The following PDZRN3 variants were observed in gnomAD, a reference collection of about 807,000 sequenced individuals.
PDZRN3 encodes PDZ domain containing ring finger 3.
A neutral mutation model predicts 85.7 loss-of-function variants in PDZRN3; 38 were observed. The observed-to-expected ratio is 0.44, with a 90% CI of 0.34 to 0.58. The LOEUF is 0.58. Ranked by LOEUF, PDZRN3 falls within the 20% of genes least tolerant of loss-of-function variation. The pLI, the probability that PDZRN3 is intolerant of heterozygous loss-of-function variation, is 0.01. For missense variants in PDZRN3, 1,629 were observed against 1,506.4 expected, an observed-to-expected ratio of 1.08 and a Z score of -1.35; for synonymous variants, 759 against 638.0, an observed-to-expected ratio of 1.19 and a Z score of -2.86.
At chr3:73,417,037 C>T (rs1702105785) in intron 3 of PDZRN3, among the ~76,000 whole-genome samples, 1 of 151,524 alleles carries the variant, frequency 6.6e-6, no homozygotes. Context: ...GCCATCAGGC[C>T]CAGCTAATTT....
At chr3:73,587,641 T>C (rs909788510) in intron 3 of PDZRN3, among the ~76,000 whole-genome samples, 1 of 152,212 alleles carries the variant, frequency 6.6e-6, no homozygotes, top group South Asian at 2.1e-4. Context: ...TTCCTCTCTA[T>C]AGTGGATTCT....
chr3:73,437,078 T>A (rs1412653171), intron 3 of PDZRN3, among the ~76,000 whole-genome samples: 1 of 149,562 alleles, frequency 6.7e-6, no homozygotes, highest in African/African-American at 2.5e-5. Flanking sequence ...ACTGAGAACC[T>A]CAAGGACTGT....
chr3:73,502,985 G>C (rs1704009949), intron 3 of PDZRN3, among the ~76,000 whole-genome samples: 1 of 152,168 alleles, frequency 6.6e-6, no homozygotes, highest in South Asian at 2.1e-4. Flanking sequence ...ACACAGTTGT[G>C]GTTTTGCACT....
At chr3:73,443,479 CTTTTT>C (rs768320565) in intron 3 of PDZRN3, among the ~76,000 whole-genome samples, 32 of 48,160 alleles carry the variant, frequency 6.6e-4, no homozygotes, top group South Asian at 2.0e-3. Flanking sequence ...TTTCCTTTTT[CTTTTT>C]TTTTTTTTTT....
intron 3 of PDZRN3, among the ~76,000 whole-genome samples, chr3:73,414,676 T>C (rs1224642146): frequency 6.6e-6 from 1 of 152,248 alleles, no homozygotes; most frequent in African/African-American, 2.4e-5. Flanking sequence ...CCAGTATGAA[T>C]ATAAAACTAC....
At chr3:73,393,885 A>T (rs920112165) in intron 5 of PDZRN3, among the ~76,000 whole-genome samples, 1 of 152,214 alleles carries the variant, frequency 6.6e-6, no homozygotes, top group Admixed American at 6.5e-5. Flanking sequence ...GATAAAACCT[A>T]ACCTGAAAAG....
At chr3:73,449,522 G>C (rs149990909) in intron 3 of PDZRN3, among the ~76,000 whole-genome samples, 9 of 152,220 alleles carry the variant, frequency 5.9e-5, no homozygotes, top group Admixed American at 1.3e-4. Flanking sequence ...TCTGAATCAT[G>C]ATGAGGACTT....
chr3:73,536,420 C>T (rs1355675668), intron 3 of PDZRN3, among the ~76,000 whole-genome samples: 1 of 152,224 alleles, frequency 6.6e-6, no homozygotes, highest in African/African-American at 2.4e-5. Flanking sequence ...ACCCTGACAA[C>T]CCAGGCATCA....
In PDZRN3 at chr3:73,624,665, G is replaced by T; in HGVS notation, c.161C>A (p.Ala54Glu). 6.6e-7 allele frequency: 1 copy of T among 1,525,436 alleles called. No homozygotes were observed. The highest frequency in any genetic ancestry group is 8.8e-7 in the Non-Finnish European group (1 of 1,141,124). 94.5% of individuals were successfully genotyped at this position (1,525,436 alleles called of 1,614,324 possible). A position where few individuals can be genotyped will look rare whatever the true frequency, so the allele number is the denominator to read the frequency against. Residue 54 changes from alanine (A) to glutamate (E), a missense_variant, in exon 1 of 10, where the codon GCG becomes GAG. Physicochemically the swap from Ala to Glu is moderately radical, Grantham distance 107. Transcript: ENST00000263666. ...GGCCGACAGGCGACCGCGGCAGCGC[G>T]CCGGGCAGCTGCCCTCCTGCACCAC... The part of the protein sequence containing the change: ...PWVVQEGSCP[A>E]RCRGRLSAKE...
Position 73,624,709 on chromosome 3 carries a change from G to C in PDZRN3, c.117C>G (p.Ala39=). 6.5e-7 allele frequency: 1 copy of C among 1,527,964 alleles called. No homozygotes were observed. Among genetic ancestry groups the C allele is most frequent in the Non-Finnish European group, 8.7e-7 (1 of 1,144,560 alleles). 94.7% of individuals were successfully genotyped at this position (1,527,964 alleles called of 1,614,324 possible). ...GCACCACCCAGGGCAGCACGCAGCC[G>C]GCGCAGAAGACGTGGCCGCACGGCG... ...LTTPCGHVFC[A]GCVLPWVVQE... Residue 39 remains alanine, a synonymous_variant, in exon 1 of 10, where the codon GCC becomes GCG. Coordinates refer to ENST00000263666, the MANE Select transcript of PDZRN3 (RefSeq NM_015009.3).
intron 3 of PDZRN3, among the ~76,000 whole-genome samples, chr3:73,572,503 T>C (rs1472345763): frequency 1.3e-5 from 2 of 152,222 alleles, no homozygotes; most frequent in African/African-American, 2.4e-5. Context: ...AAACTTCACA[T>C]GTATGTCAGA....
At chr3:73,474,374 T>A (rs1467529172) in intron 3 of PDZRN3, 1 of 758,676 alleles carries the variant, frequency 1.3e-6, no homozygotes, top group Non-Finnish European at 1.9e-6. Flanking sequence ...CAAACTGCTA[T>A]CGGTGGTGTA....
In PDZRN3 at chr3:73,547,936, G is replaced by A. The variant is rs190644195; in HGVS notation, c.918+54418C>T. 8.2e-4 allele frequency among the ~76,000 whole-genome samples: 125 copies of A among 152,312 alleles called. 1 individual carries two copies. The highest frequency in any genetic ancestry group is 2.9e-3 in the African/African-American group (121 of 41,566). On this transcript the variant is annotated intron_variant, in intron 3 of 9. Transcript: ENST00000263666. ...CCAAAGGCTTCTTGGACACCAAAGA[G>A]CTCTTACAAAACTACATTTTGATGA...
chr3:73,624,851 C>CGCCGGGCG lies in PDZRN3; in HGVS notation c.-34_-27dup. 2 of 1,270,728 alleles carry CGCCGGGCG rather than the reference C, an allele frequency of 1.6e-6. No homozygotes were observed. Among genetic ancestry groups the CGCCGGGCG allele is most frequent in the Non-Finnish European group, 2.0e-6 (2 of 1,010,890 alleles). The allele number at this position is 1,270,728 out of a possible 1,614,324, so 78.7% of individuals were successfully genotyped here. Reference sequence around the variant, plus strand: ...GGTGGCGGCCAGGCCCCGGGGTCGCCGCCGGGCGGCCGGGCGCCCCCTCCC... The same window carrying CGCCGGGCG: ...GGTGGCGGCCAGGCCCCGGGGTCGCCGCCGGGCGGCCGGGCGGCCGGGCGCCCCCTCCC... On this transcript the variant is annotated 5_prime_UTR_variant, in exon 1 of 10. Coordinates refer to ENST00000263666, the MANE Select transcript of PDZRN3 (RefSeq NM_015009.3).
At chr3:73,429,119 C>T (rs575547107) in intron 3 of PDZRN3, among the ~76,000 whole-genome samples, 8 of 152,208 alleles carry the variant, frequency 5.3e-5, no homozygotes, top group Admixed American at 4.6e-4. Flanking sequence ...TCAAGTTGCC[C>T]TGGCCATTCC....
intron 3 of PDZRN3, among the ~76,000 whole-genome samples, chr3:73,559,929 C>A (rs1027855949): frequency 6.6e-6 from 1 of 152,206 alleles, no homozygotes; most frequent in Admixed American, 6.5e-5. Context: ...CATGTGAGCA[C>A]CCAGTTCATT....
At chr3:73,573,787 A>C (rs1006724684) in intron 3 of PDZRN3, among the ~76,000 whole-genome samples, 1 of 147,686 alleles carries the variant, frequency 6.8e-6, no homozygotes, top group Admixed American at 6.9e-5. Context: ...ATACATATAC[A>C]TATACATATA....
intron 3 of PDZRN3, among the ~76,000 whole-genome samples, chr3:73,519,373 T>C (rs1482785297): frequency 1.3e-5 from 2 of 152,244 alleles, no homozygotes. Flanking sequence ...GGCTATTTTC[T>C]ACCAGCAAAC....
At chr3:73,557,128 C>T (rs1701714961) in intron 3 of PDZRN3, among the ~76,000 whole-genome samples, 1 of 152,180 alleles carries the variant, frequency 6.6e-6, no homozygotes, top group African/African-American at 2.4e-5. Context: ...TGGTCAAAGG[C>T]TCTTTCCCCT....
Sources: allele counts gnomAD v4.1 joint callset (sites outside exome capture counted in the v4.1 genomes callset), GRCh38; gene constraint gnomAD v4.1.1; transcripts MANE v1.5; gene names NCBI Gene and HGNC (gene_info 2026-07-23, HGNC 2026-07-21).